Variants in ACTR3B observed in about 807,000 individuals in gnomAD.
The protein encoded by ACTR3B is actin related protein 3B.
ACTR3B carries 8 observed loss-of-function variants against 59.0 expected under a neutral mutation model. The ratio of observed to expected loss-of-function variants is 0.14; its 90% CI spans 0.08 to 0.24. The LOEUF is 0.24. Ranked by LOEUF, ACTR3B falls within the 10% of genes least tolerant of loss-of-function variation. The pLI is 1.00. For synonymous variants in ACTR3B, 148 were observed against 197.9 expected (o/e 0.75, Z 2.12); for missense variants, 245 against 552.3 (o/e 0.44, Z 5.58).
intron 9 of ACTR3B, among the ~76,000 whole-genome samples, chr7:152,826,010 A>G (rs1796541421): frequency 6.6e-6 from 1 of 152,134 alleles, no homozygotes; most frequent in African/African-American, 2.4e-5. Flanking sequence ...CTGCACCTTT[A>G]ATCAGTCTTT....
At chr7:152,835,152 G>T (rs1281286374) in intron 9 of ACTR3B, among the ~76,000 whole-genome samples, 1 of 152,144 alleles carries the variant, frequency 6.6e-6, no homozygotes, top group South Asian at 2.1e-4. Flanking sequence ...GAGTATAGGC[G>T]TCAGGGCCAA....
intron 3 of ACTR3B, among the ~76,000 whole-genome samples, chr7:152,801,303 C>G (rs375502863): frequency 1.3e-5 from 2 of 152,186 alleles, no homozygotes; most frequent in East Asian, 1.9e-4. Context: ...TGGTTTTGAA[C>G]TCCTGGGCTC....
chr7:152,784,038 C>T lies in ACTR3B; in HGVS notation c.100+796C>T, dbSNP rs1460819855. Among the ~76,000 whole-genome samples, 8 of 151,262 alleles carry T rather than the reference C, an allele frequency of 5.3e-5. No homozygotes were observed. The South Asian group carries it at 1.0e-3, about 20-fold the overall frequency. ...CTGGGGGGTGGAGGTTGCAGTGAGCCGGGATCGTGCCACTGCACTCCAGCC... is the reference window on the plus strand; with the variant it reads ...CTGGGGGGTGGAGGTTGCAGTGAGCTGGGATCGTGCCACTGCACTCCAGCC... On this transcript the variant is annotated intron_variant, in intron 2 of 11. Transcript: ENST00000256001.
In ACTR3B at chr7:152,816,638, C is replaced by T. The variant is rs367688727; in HGVS notation, c.540+50C>T. 2.4e-3 allele frequency: 3,474 copies of T among 1,476,650 alleles called. 17 individuals carry two copies. The highest frequency in any genetic ancestry group is 0.017 in the African/African-American group (1,174 of 67,482). The allele number at this position is 1,476,650 out of a possible 1,614,324, so 91.5% of individuals were successfully genotyped here. ...GTCTCTGTAGGCTTAACACCTGATT[C>T]GAGGTAAGGATGGAAATAAAAAAAA... On this transcript the variant is annotated intron_variant, in intron 6 of 11. Transcript: ENST00000256001.
intron 9 of ACTR3B, among the ~76,000 whole-genome samples, chr7:152,833,204 G>T (rs1033948093): frequency 6.6e-6 from 1 of 152,220 alleles, no homozygotes; most frequent in Non-Finnish European, 1.5e-5. Flanking sequence ...AAGAAGACGT[G>T]TGGGTAATCC....
At chr7:152,790,175 T>C (rs1024148735) in intron 2 of ACTR3B, among the ~76,000 whole-genome samples, 3 of 152,182 alleles carry the variant, frequency 2.0e-5, no homozygotes, top group African/African-American at 7.2e-5. Flanking sequence ...AAATTTTTCA[T>C]AGAGATGGGG....
intron 4 of ACTR3B, among the ~76,000 whole-genome samples, chr7:152,808,500 T>G (rs2098259329): frequency 6.6e-6 from 1 of 151,986 alleles, no homozygotes; most frequent in Non-Finnish European, 1.5e-5. Flanking sequence ...CCAGAGAGAA[T>G]GCAGGGAGCC....
Position 152,773,296 on chromosome 7 carries a change from A to G in ACTR3B, c.45-9891A>G, listed in dbSNP as rs567893744. 3.7e-4 allele frequency among the ~76,000 whole-genome samples: 57 copies of G among 152,196 alleles called. 1 individual carries two copies. The South Asian group carries it at 0.011, about 29-fold the overall frequency. On this transcript the variant is annotated intron_variant, in intron 1 of 11. Transcript: ENST00000256001. ...AGGTTGGAAAAAAATTCAAAAAAGA[A>G]AGTAAAAGGGGCCAGACGCAGTGGC...
intron 9 of ACTR3B, among the ~76,000 whole-genome samples, chr7:152,829,050 A>G (rs1796812638): frequency 6.9e-6 from 1 of 145,168 alleles, no homozygotes; most frequent in Admixed American, 6.7e-5. Flanking sequence ...GTGTGTATAT[A>G]TATATATACA....
intron 9 of ACTR3B, 22 bp from the exon 10 acceptor site, chr7:152,852,104 C>T: frequency 6.2e-7 from 1 of 1,613,934 alleles, no homozygotes; most frequent in African/African-American, 1.3e-5. Context: ...ACCCAGGGCT[C>T]CCTCTGCTTT....
intron 9 of ACTR3B, among the ~76,000 whole-genome samples, chr7:152,830,973 G>A (rs772070527): frequency 5.3e-5 from 8 of 152,296 alleles, no homozygotes; most frequent in Non-Finnish European, 5.9e-5. Flanking sequence ...TTCAGATGAA[G>A]TCCTGGTTGA....
At position 152,822,172 on chromosome 7, in the gene ACTR3B, G is replaced by A. The variant is rs1263144879; in HGVS notation, c.685-1170G>A. 2.0e-5 allele frequency among the ~76,000 whole-genome samples: 3 copies of A among 152,178 alleles called. No homozygotes were observed. The East Asian group carries it at 5.8e-4, about 29-fold the overall frequency. ...TGCCTGTCAGTCTTCTTAAAATTCC[G>A]CTAGAGTATATCCAAGATACCCAGA... On this transcript the variant is annotated intron_variant, in intron 7 of 11. Transcript: ENST00000256001.
chr7:152,845,760 C>A (rs1798221436), intron 9 of ACTR3B, among the ~76,000 whole-genome samples: 1 of 152,236 alleles, frequency 6.6e-6, no homozygotes, highest in Non-Finnish European at 1.5e-5. Context: ...GAGGGATGAT[C>A]TGCCATCGGC....
At chr7:152,831,175 T>C (rs138902671) in intron 9 of ACTR3B, among the ~76,000 whole-genome samples, 4,474 of 152,328 alleles carry the variant, frequency 0.029, 97 homozygotes, top group Middle Eastern at 0.099. Context: ...AAGGCTGATG[T>C]TAACAACTGG....
At chr7:152,763,106 A>G (rs2098095219) in intron 1 of ACTR3B, among the ~76,000 whole-genome samples, 1 of 152,054 alleles carries the variant, frequency 6.6e-6, no homozygotes, top group Admixed American at 6.6e-5. Flanking sequence ...ACCTGAGGGC[A>G]GGAGTTCGAG....
intron 1 of ACTR3B, among the ~76,000 whole-genome samples, chr7:152,764,515 GCTAATTTT>G: frequency 6.6e-6 from 1 of 151,840 alleles, no homozygotes; most frequent in Non-Finnish European, 1.5e-5. Flanking sequence ...ACACTGGTGG[GCTAATTTT>G]AGTAGTCCTA....
At chr7:152,842,306 TG>T (rs1243630218) in intron 9 of ACTR3B, among the ~76,000 whole-genome samples, 14 of 152,206 alleles carry the variant, frequency 9.2e-5, no homozygotes, top group African/African-American at 3.4e-4. Context: ...TGTGTTATAC[TG>T]AGTGACTCAG....
intron 9 of ACTR3B, among the ~76,000 whole-genome samples, chr7:152,837,136 A>G (rs956628204): frequency 5.9e-5 from 9 of 152,226 alleles, no homozygotes; most frequent in African/African-American, 2.2e-4. Flanking sequence ...GGATTGTACC[A>G]CTGCAGTCCC....
At chr7:152,795,782 C>T (rs1406245264) in intron 2 of ACTR3B, among the ~76,000 whole-genome samples, 1 of 151,830 alleles carries the variant, frequency 6.6e-6, no homozygotes, top group South Asian at 2.1e-4. Flanking sequence ...TAAACACACC[C>T]GTGCAACTCT....
Sources: gnomAD v4.1 joint callset for allele counts (sites outside exome capture counted in the v4.1 genomes callset) on GRCh38, gnomAD v4.1.1 for gene constraint, MANE v1.5 for transcripts, NCBI Gene and HGNC (gene_info 2026-07-23, HGNC 2026-07-21) for gene names.